VAMP4: variants seen among roughly 807,000 people sequenced by gnomAD.
VAMP4 encodes the protein vesicle associated membrane protein 4, also known as vesicle-associated membrane protein 4.
VAMP4 carries 19 observed loss-of-function variants against 23.5 expected under a neutral mutation model. The ratio of observed to expected loss-of-function variants is 0.81; its 90% CI spans 0.56 to 1.19. VAMP4 has a LOEUF of 1.19. Among genes scored for constraint, VAMP4 ranks in the 50% most tolerant of loss-of-function variants. The pLI, the probability that VAMP4 is intolerant of heterozygous loss-of-function variation, is 0.00. For synonymous variants in VAMP4, 31 were observed against 51.0 expected, an observed-to-expected ratio of 0.61 and a Z score of 1.67; for missense variants, 145 against 168.6, an observed-to-expected ratio of 0.86 and a Z score of 0.78.
chr1:171,715,610 A>C (rs2124846859), intron 4 of VAMP4, among the ~76,000 whole-genome samples: 1 of 152,330 alleles, frequency 6.6e-6, no homozygotes, highest in Admixed American at 6.5e-5. Flanking sequence ...AGTGTTATTC[A>C]AACACTTAGC....
intron 5 of VAMP4, among the ~76,000 whole-genome samples, chr1:171,710,081 A>G (rs1055625471): frequency 6.6e-6 from 1 of 152,046 alleles, no homozygotes; most frequent in Non-Finnish European, 1.5e-5. Flanking sequence ...TACTTGGCAC[A>G]CCTCTAGAAA....
Position 171,702,147 on chromosome 1 carries a change from A to C in VAMP4, c.*2359T>G, listed in dbSNP as rs1654472716. On this transcript the variant is annotated 3_prime_UTR_variant, in exon 8 of 8. Transcript: ENST00000236192. ...GGTAGGCCTGGCATCAGTTTGAACA[A>C]TATATTTTTTTCTTCTGTTTTTGAT... The C allele has an allele frequency of 6.6e-6, 1 of 152,068 alleles. No homozygotes were observed. The highest frequency in any genetic ancestry group is 6.6e-5 in the Admixed American group (1 of 15,242). 9.4% of individuals were successfully genotyped at this position (152,068 alleles called of 1,614,324 possible). A position where few individuals can be genotyped will look rare whatever the true frequency, so the allele number is the denominator to read the frequency against.
At chr1:171,720,898 G>C (rs971939727) in intron 3 of VAMP4, among the ~76,000 whole-genome samples, 3 of 151,978 alleles carry the variant, frequency 2.0e-5, no homozygotes, top group African/African-American at 7.2e-5. Context: ...AATGAACATA[G>C]ATGCAAAAAT....
At chr1:171,734,267 C>CAA (rs35870022) in intron 2 of VAMP4, among the ~76,000 whole-genome samples, 802 of 79,318 alleles carry the variant, frequency 0.01, 27 homozygotes, top group African/African-American at 0.032. Context: ...GACTCCGTCT[C>CAA]AAAAAAAAAA....
At chr1:171,729,171 G>A (rs1655479306) in intron 2 of VAMP4, among the ~76,000 whole-genome samples, 7 of 152,256 alleles carry the variant, frequency 4.6e-5, no homozygotes, top group Admixed American at 4.6e-4. Context: ...TGGGTATAAA[G>A]TCCAAAAGGT....
chr1:171,702,567 A>G lies in VAMP4; in HGVS notation c.*1939T>C, dbSNP rs557444553. The G allele has an allele frequency of 6.6e-6, 1 of 152,142 alleles. No individual in the cohort carries two copies. Among genetic ancestry groups the G allele is most frequent in the East Asian group, 1.9e-4 (1 of 5,192 alleles). The allele number at this position is 152,142 out of a possible 1,614,324, so 9.4% of individuals were successfully genotyped here. ...ATGGAGAAACCAGATTTCTACATCA[A>G]CTAATGGAAAATTAACCACTTATGA... On this transcript the variant is annotated 3_prime_UTR_variant, in exon 8 of 8. Coordinates refer to ENST00000236192, the MANE Select transcript of VAMP4 (RefSeq NM_003762.5).
chr1:171,723,822 A>G (rs937633948), intron 3 of VAMP4, among the ~76,000 whole-genome samples: 1 of 152,204 alleles, frequency 6.6e-6, no homozygotes, highest in African/African-American at 2.4e-5. Flanking sequence ...TGTCCATGAA[A>G]TCTTCACAAT....
At chr1:171,739,861 T>C (rs113400821) in intron 1 of VAMP4, among the ~76,000 whole-genome samples, 2 of 152,254 alleles carry the variant, frequency 1.3e-5, no homozygotes, top group African/African-American at 4.8e-5. Flanking sequence ...TATGCTAATA[T>C]GCATTGTGAC....
chr1:171,709,706 A>C lies in VAMP4; in HGVS notation c.304T>G (p.Ser102Ala), dbSNP rs752329350. 35 of 1,613,086 alleles carry C rather than the reference A, an allele frequency of 2.2e-5. No individual in the cohort carries two copies. The South Asian group carries it at 3.7e-4, about 17-fold the overall frequency. The change falls in exon 6 of 8, where the codon TCC becomes GCC. Residue 102 changes from serine to alanine, a missense_variant. Transcript: ENST00000236192. ...CACATTTGCCTTCGAAGTTGTTTGGATCTGTTGCTAAAAGCTGTTGCATTA... is the reference window on the plus strand; with the variant it reads ...CACATTTGCCTTCGAAGTTGTTTGGCTCTGTTGCTAAAAGCTGTTGCATTA... ...SDNATAFSNR[S>A]KQLRRQMWWR... is the part of the protein sequence containing the mutation.
rs902739837 is a variant in VAMP4, at chr1:171,700,979, A to C, written c.*3527T>G. ...ATCCCTAATTCTACTTGGTTTCCAG[A>C]AGAAAAAAAAAATCAGAATAAGACT... On this transcript the variant is annotated 3_prime_UTR_variant, in exon 8 of 8. Coordinates refer to ENST00000236192, the MANE Select transcript of VAMP4 (RefSeq NM_003762.5). 1.3e-5 allele frequency: 2 copies of C among 152,082 alleles called. No homozygotes were observed. The highest frequency in any genetic ancestry group is 4.8e-5 in the African/African-American group (2 of 41,396). 9.4% of individuals were successfully genotyped at this position (152,082 alleles called of 1,614,324 possible).
chr1:171,738,272 T>C, intron 2 of VAMP4, 77 bp downstream of exon 2: 2 of 1,561,448 alleles, frequency 1.3e-6, no homozygotes, highest in South Asian at 2.3e-5. Flanking sequence ...CCGGATGGTT[T>C]TTCTTCTATT....
chr1:171,714,622 A>G (rs1654966492), intron 4 of VAMP4, among the ~76,000 whole-genome samples: 1 of 152,178 alleles, frequency 6.6e-6, no homozygotes, highest in Non-Finnish European at 1.5e-5. Flanking sequence ...AAATACAAAA[A>G]TTAGCCGAGC....
At chr1:171,715,607 T>C (rs1185810833) in intron 4 of VAMP4, among the ~76,000 whole-genome samples, 1 of 152,220 alleles carries the variant, frequency 6.6e-6, no homozygotes, top group Non-Finnish European at 1.5e-5. Context: ...GATAGTGTTA[T>C]TCAAACACTT....
At position 171,708,337 on chromosome 1, in the gene VAMP4, C is replaced by CAAAA. The variant is rs200077955; in HGVS notation, c.345+1324_345+1327dup. Among the ~76,000 whole-genome samples, 552 of 87,424 alleles carry CAAAA rather than the reference C, an allele frequency of 6.3e-3. 16 individuals are homozygous for CAAAA. The East Asian group carries it at 0.088, about 14-fold the overall frequency. 57.4% of individuals were successfully genotyped at this position (87,424 alleles called of 152,430 possible). A position where few individuals can be genotyped will look rare whatever the true frequency, so the allele number is the denominator to read the frequency against. ...CCTCAGAGACACAGCAAGAGTGCCA[C>CAAAA]AAAAAAAAAAAAAAAAAGACTTTAA... is the stretch of plus-strand genomic sequence containing the variant. On this transcript the variant is annotated intron_variant, in intron 6 of 7. Transcript: ENST00000236192.
Position 171,702,891 on chromosome 1 carries a change from A to T in VAMP4, c.*1615T>A, listed in dbSNP as rs1572234871. ...AGTAATTCTATTTAGATCTTCTTAG[A>T]TAACTTGCAGGTGTCTTGAGTGTCT... On this transcript the variant is annotated 3_prime_UTR_variant, in exon 8 of 8. Transcript: ENST00000236192. 1 of 151,982 alleles carries T rather than the reference A, an allele frequency of 6.6e-6. No homozygotes were observed. The highest frequency in any genetic ancestry group is 1.9e-4 in the East Asian group (1 of 5,196). 9.4% of individuals were successfully genotyped at this position (151,982 alleles called of 1,614,324 possible).
At chr1:171,726,519 A>G (rs1487657276) in intron 3 of VAMP4, among the ~76,000 whole-genome samples, 1 of 152,236 alleles carries the variant, frequency 6.6e-6, no homozygotes, top group Non-Finnish European at 1.5e-5. Context: ...CAAAGGATTG[A>G]TCAGGTCAAC....
Position 171,703,758 on chromosome 1 carries a change from C to T in VAMP4, c.*748G>A, listed in dbSNP as rs1272996692. ...GGAGTTTAACAGAAAACAGACTGGACCATGACTGGCAGCTATATATTGGTC... is the reference window on the plus strand; with the variant it reads ...GGAGTTTAACAGAAAACAGACTGGATCATGACTGGCAGCTATATATTGGTC... On this transcript the variant is annotated 3_prime_UTR_variant, in exon 8 of 8. Transcript: ENST00000236192. 1 of 152,038 alleles carries T rather than the reference C, an allele frequency of 6.6e-6. No homozygotes were observed. The highest frequency in any genetic ancestry group is 1.5e-5 in the Non-Finnish European group (1 of 67,784). The allele number at this position is 152,038 out of a possible 1,614,324, so 9.4% of individuals were successfully genotyped here.
chr1:171,718,739 T>C (rs981702733), intron 4 of VAMP4, among the ~76,000 whole-genome samples: 26 of 152,136 alleles, frequency 1.7e-4, no homozygotes, highest in African/African-American at 5.8e-4. Context: ...AAAACCAAAA[T>C]AGACCTTCAG....
At chr1:171,727,704 C>T (rs1373198451) in intron 3 of VAMP4, among the ~76,000 whole-genome samples, 1 of 152,172 alleles carries the variant, frequency 6.6e-6, no homozygotes, top group African/African-American at 2.4e-5. Flanking sequence ...CAAAAATCCA[C>T]ACATAAGTGA....
Sources: gnomAD v4.1 joint callset for allele counts (sites outside exome capture counted in the v4.1 genomes callset) on GRCh38, gnomAD v4.1.1 for gene constraint, MANE v1.5 for transcripts, NCBI Gene and HGNC (gene_info 2026-07-23, HGNC 2026-07-21) for gene names.